Variants in KRT10 observed in about 807,000 individuals in gnomAD.
KRT10 encodes keratin 10.
Under a neutral mutation model 59.2 loss-of-function variants are expected in KRT10, and 40 were observed. The observed-to-expected ratio is 0.68, with a 90% CI of 0.52 to 0.88. The LOEUF is 0.88. Ranked by LOEUF, KRT10 falls within the 40% of genes least tolerant of loss-of-function variation. The pLI, the probability that KRT10 is intolerant of heterozygous loss-of-function variation, is 0.00. For synonymous variants in KRT10, 336 were observed against 310.7 expected (o/e 1.08, Z -0.86); for missense variants, 719 against 749.1 (o/e 0.96, Z 0.47).
chr17:40,819,010 A>G lies in KRT10; in HGVS notation c.1525T>C (p.Ser509Pro). Residue 509 changes from serine (S) to proline (P), a missense_variant, in exon 7 of 8, where the codon TCC becomes CCC. By Grantham distance (74) the Ser-to-Pro change is moderately conservative. Transcript: ENST00000269576. ...YGGGSSGGGS[S>P]GGGYGGGSSS... ...CTTCCGCCCCCGTAGCCGCCGCCGGAGCTTCCGCCGCCGGAGCTTCCGCCT... is the reference window on the plus strand; with the variant it reads ...CTTCCGCCCCCGTAGCCGCCGCCGGGGCTTCCGCCGCCGGAGCTTCCGCCT... 1 of 1,245,814 alleles carries G rather than the reference A, an allele frequency of 8.0e-7. No homozygotes were observed. The highest frequency in any genetic ancestry group is 1.0e-6 in the Non-Finnish European group (1 of 966,520). 77.2% of individuals were successfully genotyped at this position (1,245,814 alleles called of 1,614,324 possible).
In KRT10 at chr17:40,822,264, C is replaced by T. The variant is rs774951544; in HGVS notation, c.322G>A (p.Gly108Arg). Residue 108 changes from glycine (G) to arginine (R), a missense_variant, in exon 1 of 8, where the codon GGA (glycine) becomes AGA (arginine). This residue lies in a region of KRT10 where 176 missense variants were observed against 175.7 expected (regional missense o/e 1.00). Coordinates refer to ENST00000269576, the MANE Select transcript of KRT10 (RefSeq NM_000421.5). ...CTGCCCCCACCAAAGCTGCCACCTCCGAAACTGCCCCCTCCAAAGATGCCT... is the reference window on the plus strand; with the variant it reads ...CTGCCCCCACCAAAGCTGCCACCTCTGAAACTGCCCCCTCCAAAGATGCCT... ...YGGIFGGGSF[G>R]GGSFGGGSFG... 1.5e-5 allele frequency: 24 copies of T among 1,603,224 alleles called. No individual in the cohort carries two copies. Among genetic ancestry groups the T allele is most frequent in the African/African-American group, 1.2e-4 (9 of 74,294 alleles).
rs1905285718 is a variant in KRT10, at chr17:40,820,126, T to A, written c.1078A>T (p.Ser360Cys). 6.2e-7 allele frequency: 1 copy of A among 1,613,786 alleles called. No homozygotes were observed. ...AATTCAGTAATCTCAGATTTATAGC[T>A]GGATATCTGTTCAATGTTATTATCA... ...EIDNNIEQIS[S>C]YKSEITELRR... Residue 360 changes from serine to cysteine, a missense_variant, in exon 5 of 8, where the codon AGC (serine) becomes TGC (cysteine). By Grantham distance (112) the Ser-to-Cys change is moderately radical (BLOSUM62 -1). Around this residue, in one of 4 missense-constraint regions of KRT10, gnomAD observed 221 missense variants for 277.8 expected, o/e 0.80. Transcript: ENST00000269576.
Position 40,818,882 on chromosome 17 carries a change from G to A in KRT10, c.1653C>T (p.Ser551=). The change falls in exon 7 of 8, where the codon AGC becomes AGT. Residue 551 remains serine, a synonymous_variant. Transcript: ENST00000269576. The stretch of plus-strand genomic sequence containing the variant: ...CGCCGCCGTATCCGCCGCCGGAGCT[G>A]CTGCCGCCGCCGGAGCTGCCGCCCC... ...GYGGGSSGGG[S]SSGGGYGGGS... is the part of the protein sequence containing the mutation. The A allele has an allele frequency of 2.0e-6, 3 of 1,524,476 alleles. No homozygotes were observed. Among genetic ancestry groups the A allele is most frequent in the Non-Finnish European group, 2.6e-6 (3 of 1,142,080 alleles). 94.4% of individuals were successfully genotyped at this position (1,524,476 alleles called of 1,614,324 possible).
chr17:40,822,404 C>A lies in KRT10; in HGVS notation c.182G>T (p.Ser61Ile). Residue 61 changes from serine (S) to isoleucine (I), a missense_variant, in exon 1 of 8, where the codon AGC becomes ATC. Ser to Ile is a moderately radical substitution (Grantham distance 142). Transcript: ENST00000269576. ...GCCCCCAAAGCAGCCCCCACCAGAG[C>A]TCCCACGGCTAAAAGAGCCACCACT... Reference protein sequence around the residue: ...GFSGGSFSRGSSGGGCFGGSS... With the variant: ...GFSGGSFSRGISGGGCFGGSS... The A allele has an allele frequency of 1.2e-6, 2 of 1,613,030 alleles. No homozygotes were observed. Among genetic ancestry groups the A allele is most frequent in the Non-Finnish European group, 1.7e-6 (2 of 1,179,298 alleles).
intron 5 of KRT10, 36 bp downstream of exon 5, chr17:40,820,013 G>T (rs571703351): frequency 1.2e-6 from 2 of 1,609,616 alleles, no homozygotes; most frequent in Middle Eastern, 2.2e-4. Context: ...AACTTTGTAT[G>T]ATAAAGTTGA....
In KRT10 at chr17:40,822,538, A is replaced by G. The variant is rs759837260; in HGVS notation, c.48T>C (p.Ser16=). 6.2e-6 allele frequency: 10 copies of G among 1,606,904 alleles called. No homozygotes were observed. In the South Asian group the frequency reaches 9.9e-5, roughly 16 times the overall value. Residue 16 remains serine, a synonymous_variant, in exon 1 of 8, where the codon AGT becomes AGC. Coordinates refer to ENST00000269576, the MANE Select transcript of KRT10 (RefSeq NM_000421.5). The stretch of plus-strand genomic sequence containing the variant: ...ATCCTCCTCCTCCTCCTCCTCCTCC[A>G]CTGCGGGAGGAAGAGTAGTGCTTGC... ...SSSKHYSSSR[S]GGGGGGGGCG...
Position 40,822,513 on chromosome 17 carries a change from ATCCTCC to A in KRT10, c.67_72del (p.Gly23_Gly24del), listed in dbSNP as rs148510452. ...GATGACACTCCTCCTCCTCCTCCACATCCTCCTCCTCCTCCTCCTCCTCCACTGCGG... is the reference window on the plus strand; with the variant it reads ...GATGACACTCCTCCTCCTCCTCCACATCCTCCTCCTCCTCCTCCACTGCGG... On this transcript the variant is annotated inframe_deletion, in exon 1 of 8. Transcript: ENST00000269576. 8.2e-5 allele frequency: 131 copies of A among 1,593,110 alleles called. No homozygotes were observed. The East Asian group carries it at 1.4e-3, about 17-fold the overall frequency.
Position 40,818,496 on chromosome 17 carries a change from G to A in KRT10, c.1749-14C>T, listed in dbSNP as rs1161894421. Reference sequence around the variant, plus strand: ...TTTTGTTAGTATCTGTGTGAATGATGGAAAAAAAATTTTAAACAGTCTGTA... The same window carrying A: ...TTTTGTTAGTATCTGTGTGAATGATAGAAAAAAAATTTTAAACAGTCTGTA... On this transcript the variant is annotated splice_polypyrimidine_tract_variant and intron_variant, in intron 7 of 7. Coordinates refer to ENST00000269576, the MANE Select transcript of KRT10 (RefSeq NM_000421.5). 6.4e-7 allele frequency: 1 copy of A among 1,560,646 alleles called. No individual in the cohort carries two copies. The highest frequency in any genetic ancestry group is 1.1e-5 in the South Asian group (1 of 89,936).
At chr17:40,819,884 C>G in intron 5 of KRT10, 150 bp from the exon 6 acceptor site, 3 of 1,134,370 alleles carry the variant, frequency 2.6e-6, no homozygotes, top group South Asian at 2.6e-5. Flanking sequence ...AGTTTCAGCA[C>G]TTTTAGATCA....
At position 40,822,175 on chromosome 17, in the gene KRT10, T is replaced by C; in HGVS notation, c.411A>G (p.Gly137=). 3 of 1,613,764 alleles carry C rather than the reference T, an allele frequency of 1.9e-6. No individual in the cohort carries two copies. The highest frequency in any genetic ancestry group is 2.5e-6 in the Non-Finnish European group (3 of 1,179,918). ...FGGGFGGGFG[G]DGGLLSGNEK... Reference sequence around the variant, plus strand: ...CATTTCCAGAGAGAAGGCCACCATCTCCTCCAAATCCACCACCAAAGCCTC... The same window carrying C: ...CATTTCCAGAGAGAAGGCCACCATCCCCTCCAAATCCACCACCAAAGCCTC... The change falls in exon 1 of 8, where the codon GGA becomes GGG. Residue 137 remains glycine, a synonymous_variant. Coordinates refer to ENST00000269576, the MANE Select transcript of KRT10 (RefSeq NM_000421.5).
chr17:40,818,851 A>AGCT lies in KRT10; in HGVS notation c.1681_1683dup (p.Ser563dup), dbSNP rs1555548360. The AGCT allele has an allele frequency of 6.2e-5, 87 of 1,406,058 alleles. No homozygotes were observed. In the African/African-American group the frequency reaches 1.1e-3, roughly 17 times the overall value. 87.1% of individuals were successfully genotyped at this position (1,406,058 alleles called of 1,614,324 possible). On this transcript the variant is annotated inframe_insertion, in exon 7 of 8. Coordinates refer to ENST00000269576, the MANE Select transcript of KRT10 (RefSeq NM_000421.5). ...GAGGAGGACTTGTGGCCTCCGCTGG[A>AGCT]GCTGCCGCCGCCGTATCCGCCGCCG...
Position 40,818,893 on chromosome 17 carries a change from CGGA to C in KRT10, c.1639_1641del (p.Ser547del). 2 of 1,445,244 alleles carry C rather than the reference CGGA, an allele frequency of 1.4e-6. No individual in the cohort carries two copies. The highest frequency in any genetic ancestry group is 5.6e-5 in the East Asian group (2 of 35,496). The allele number at this position is 1,445,244 out of a possible 1,614,324, so 89.5% of individuals were successfully genotyped here. On this transcript the variant is annotated inframe_deletion, in exon 7 of 8. Coordinates refer to ENST00000269576, the MANE Select transcript of KRT10 (RefSeq NM_000421.5). Reference sequence around the variant, plus strand: ...CCGCCGCCGGAGCTGCTGCCGCCGCCGGAGCTGCCGCCCCCGTAGCCGCCGCCG... The same window carrying C: ...CCGCCGCCGGAGCTGCTGCCGCCGCCGCTGCCGCCCCCGTAGCCGCCGCCG...
intron 6 of KRT10, 50 bp from the exon 7 acceptor site, chr17:40,819,211 G>T: frequency 6.3e-7 from 1 of 1,593,500 alleles, no homozygotes; most frequent in Non-Finnish European, 8.5e-7. Flanking sequence ...GGAAAACGGT[G>T]GGTAGCTTTC....
chr17:40,822,428 C>T lies in KRT10; in HGVS notation c.158G>A (p.Ser53Asn), dbSNP rs146835683. Residue 53 changes from serine (S) to asparagine (N), a missense_variant, in exon 1 of 8, where the codon AGT becomes AAT. Ser to Asn is a conservative substitution (Grantham distance 46). This residue lies in a region of KRT10 where 176 missense variants were observed against 175.7 expected (regional missense o/e 1.00). Coordinates refer to ENST00000269576, the MANE Select transcript of KRT10 (RefSeq NM_000421.5). ...LGGGFSSGGFSGGSFSRGSSG... is the reference protein window; with the variant it reads ...LGGGFSSGGFNGGSFSRGSSG... ...GCTCCCACGGCTAAAAGAGCCACCA[C>T]TGAACCCCCCTGAGCTAAATCCTCC... is the stretch of plus-strand genomic sequence containing the variant. 1.9e-4 allele frequency: 305 copies of T among 1,613,862 alleles called. No individual in the cohort carries two copies. The highest frequency in any genetic ancestry group is 1.2e-3 in the Middle Eastern group (7 of 6,082).
intron 5 of KRT10, 127 bp downstream of exon 5, chr17:40,819,922 C>G (rs1234652505): frequency 4.5e-5 from 57 of 1,271,730 alleles, no homozygotes; most frequent in Middle Eastern, 2.6e-4. Context: ...CCTCCATTAA[C>G]ATGAGCTTCA....
chr17:40,821,119 TGGA>T lies in KRT10; in HGVS notation c.628-5_628-3del, dbSNP rs1448803604. ...ATTATCAGTTGTTAGGTTGAGAATC[TGGA>T]GGGAGAGGCACAGTTATTTGAGAAG... On this transcript the variant is annotated splice_region_variant and splice_polypyrimidine_tract_variant and intron_variant, in intron 1 of 7. Transcript: ENST00000269576. 1 of 1,611,144 alleles carries T rather than the reference TGGA, an allele frequency of 6.2e-7. No homozygotes were observed. Among genetic ancestry groups the T allele is most frequent in the East Asian group, 2.2e-5 (1 of 44,858 alleles).
At chr17:40,818,763 T>C (rs748362305) in intron 7 of KRT10, 24 bp downstream of exon 7, 21 of 1,566,986 alleles carry the variant, frequency 1.3e-5, no homozygotes, top group African/African-American at 2.9e-5. Context: ...CTAATTCTGA[T>C]TACCCCAGCT....
rs1243930095 is a variant in KRT10, at chr17:40,819,153, C to T, written c.1382G>A (p.Gly461Asp). ...SLLEGEGSSG[G>D]GGRGGGSFGG... ...GAAACTTCCGCCGCCGCGTCCGCCG[C>T]CTCCGGAACTAAACGGGGTGAGGTC... is the stretch of plus-strand genomic sequence containing the variant. The change falls in exon 7 of 8, where the codon GGC (glycine) becomes GAC (aspartate). Residue 461 changes from glycine to aspartate, a missense_variant. This residue lies in a region of KRT10 where 315 missense variants were observed against 270.6 expected (regional missense o/e 1.16). Coordinates refer to ENST00000269576, the MANE Select transcript of KRT10 (RefSeq NM_000421.5). The T allele has an allele frequency of 3.9e-6, 6 of 1,550,316 alleles. No homozygotes were observed. The East Asian group carries it at 1.3e-4, about 33-fold the overall frequency.
At position 40,819,631 on chromosome 17, in the gene KRT10, T is replaced by G. The variant is rs2143134760; in HGVS notation, c.1259A>C (p.Gln420Pro). The G allele has an allele frequency of 6.2e-7, 1 of 1,614,228 alleles. No individual in the cohort carries two copies. Among genetic ancestry groups the G allele is most frequent in the South Asian group, 1.1e-5 (1 of 91,084 alleles). The change falls in exon 6 of 8, where the codon CAG (glutamine) becomes CCG (proline). Residue 420 changes from glutamine (Q) to proline (P), a missense_variant. Coordinates refer to ENST00000269576, the MANE Select transcript of KRT10 (RefSeq NM_000421.5). ...QISALEEQLQ[Q>P]IRAETECQNT... ...CTGGCACTCGGTTTCAGCTCGAATC[T>G]GTTGCAACTGTTCTTCCAGAGCGGA... is the stretch of plus-strand genomic sequence containing the variant.
Sources: allele counts gnomAD v4.1 joint callset, GRCh38; gene constraint gnomAD v4.1.1; regional missense constraint gnomAD v4.1.1; transcripts MANE v1.5; gene names NCBI Gene and HGNC (gene_info 2026-07-23, HGNC 2026-07-21).